The following DPF3 variants were observed in gnomAD, a reference collection of about 807,000 sequenced individuals.
The protein encoded by DPF3 is zinc finger protein DPF3.
In DPF3, 18 loss-of-function variants were observed where a neutral mutation model predicts 56.8. The ratio of observed to expected loss-of-function variants is 0.32; its 90% CI spans 0.22 to 0.47. The LOEUF (loss-of-function observed/expected upper bound fraction) is 0.47, where lower values mean the gene tolerates loss of function less well. Ranked by LOEUF, DPF3 falls within the 20% of genes least tolerant of loss-of-function variation. The pLI is 1.00. For synonymous variants in DPF3, 188 were observed against 180.2 expected, an observed-to-expected ratio of 1.04 and a Z score of -0.35; for missense variants, 403 against 488.8, an observed-to-expected ratio of 0.82 and a Z score of 1.65.
intron 8 of DPF3, among the ~76,000 whole-genome samples, chr14:72,673,266 T>G (rs1886769314): frequency 6.6e-6 from 1 of 152,206 alleles, no homozygotes; most frequent in Admixed American, 6.5e-5. Context: ...CTCTGGGGAC[T>G]GGGAGTGAAA....
rs1054325145 is a variant in DPF3, at chr14:72,729,091, T to G, written c.429+2716A>C. Among the ~76,000 whole-genome samples the G allele has an allele frequency of 4.6e-5, 7 of 151,686 alleles. No homozygotes were observed. The South Asian group carries it at 1.5e-3, about 32-fold the overall frequency. ...GGTGAATCCGCGTCTCTACTAAAAATACAAAAATCAGCCAGAGGTGGTGGT... is the reference window on the plus strand; with the variant it reads ...GGTGAATCCGCGTCTCTACTAAAAAGACAAAAATCAGCCAGAGGTGGTGGT... On this transcript the variant is annotated intron_variant, in intron 4 of 10. Transcript: ENST00000556509.
chr14:72,818,377 G>C (rs1883380887), intron 1 of DPF3, among the ~76,000 whole-genome samples: 1 of 152,152 alleles, frequency 6.6e-6, no homozygotes, highest in East Asian at 1.9e-4. Context: ...AAAAATTTCT[G>C]CTCTTCAAAA....
intron 1 of DPF3, among the ~76,000 whole-genome samples, chr14:72,776,002 A>T (rs1891730191): frequency 6.6e-6 from 1 of 151,742 alleles, no homozygotes; most frequent in Non-Finnish European, 1.5e-5. Flanking sequence ...AAAAAAAAAA[A>T]TCCCACAATG....
intron 2 of DPF3, among the ~76,000 whole-genome samples, 154 bp downstream of exon 2, chr14:72,771,579 A>C (rs1445802074): frequency 6.6e-6 from 1 of 151,216 alleles, no homozygotes; most frequent in African/African-American, 2.4e-5. Flanking sequence ...CCATAAAAGT[A>C]GCTGAGCTTC....
chr14:72,780,005 T>C (rs1295218572), intron 1 of DPF3, among the ~76,000 whole-genome samples: 1 of 152,200 alleles, frequency 6.6e-6, no homozygotes, highest in African/African-American at 2.4e-5. Context: ...ATCTGGCTTG[T>C]TTACTGCTCT....
At position 72,612,492 on chromosome 14, in the gene DPF3, G is replaced by A. The variant is rs927395308; in HGVS notation, c.*6805C>T. 1 of 518,660 alleles carries A rather than the reference G, an allele frequency of 1.9e-6. No homozygotes were observed. Among genetic ancestry groups the A allele is most frequent in the African/African-American group, 1.9e-5 (1 of 51,820 alleles). The allele number at this position is 518,660 out of a possible 1,614,324, so 32.1% of individuals were successfully genotyped here. A position where few individuals can be genotyped will look rare whatever the true frequency, so the allele number is the denominator to read the frequency against. On this transcript the variant is annotated 3_prime_UTR_variant, in exon 11 of 11. Coordinates refer to ENST00000556509, the MANE Select transcript of DPF3 (RefSeq NM_001280542.3). ...ACTACATGTTGAAAATGTGCACGGG[G>A]TATATTTTCTTTTTCCTATACGCCA... is the stretch of plus-strand genomic sequence containing the variant.
chr14:72,632,068 G>A (rs1354453765), intron 8 of DPF3, among the ~76,000 whole-genome samples: 2 of 152,240 alleles, frequency 1.3e-5, no homozygotes, highest in African/African-American at 2.4e-5. Context: ...AAAGGGGTAA[G>A]AGGTAGCTGC....
At position 72,723,611 on chromosome 14, in the gene DPF3, G is replaced by A. The variant is rs374717111; in HGVS notation, c.525+22C>T. 3.2e-5 allele frequency: 50 copies of A among 1,546,022 alleles called. No individual in the cohort carries two copies. In the African/African-American group the frequency reaches 3.4e-4, roughly 11 times the overall value. ...CCCAGCCTCCCTCATCTCTTTCCTC[G>A]CTCATGTCATCCCCAACTTACCCGT... On this transcript the variant is annotated intron_variant, in intron 5 of 10. Transcript: ENST00000556509.
intron 1 of DPF3, among the ~76,000 whole-genome samples, chr14:72,807,967 AAAC>A (rs377539111): frequency 2.4e-4 from 36 of 152,096 alleles, no homozygotes; most frequent in Non-Finnish European, 4.1e-4. Flanking sequence ...CCTGTCTCTA[AAAC>A]AACAACAACA....
chr14:72,684,868 T>G (rs551952960), intron 7 of DPF3, among the ~76,000 whole-genome samples: 1 of 152,168 alleles, frequency 6.6e-6, no homozygotes, highest in Non-Finnish European at 1.5e-5. Context: ...AGTGGGGTCA[T>G]GAGGGTGGGG....
At chr14:72,816,269 T>A (rs1424615401) in intron 1 of DPF3, among the ~76,000 whole-genome samples, 1 of 152,134 alleles carries the variant, frequency 6.6e-6, no homozygotes, top group African/African-American at 2.4e-5. Flanking sequence ...ACCAACAGAT[T>A]CCCAGCTCCA....
chr14:72,753,928 C>A (rs112401778), intron 2 of DPF3, among the ~76,000 whole-genome samples: 8,102 of 152,030 alleles, frequency 0.053, 309 homozygotes, highest in South Asian at 0.15. Context: ...CCCATGAGAA[C>A]ATAAACCCAC....
At position 72,845,122 on chromosome 14, in the gene DPF3, G is replaced by T. The variant is rs557173841; in HGVS notation, c.32+48935C>A. Among the ~76,000 whole-genome samples, 4 of 152,282 alleles carry T rather than the reference G, an allele frequency of 2.6e-5. No individual in the cohort carries two copies. The East Asian group carries it at 5.8e-4, about 22-fold the overall frequency. ...CTTGTCTCTAAAAAGAAGCCTCCAG[G>T]AATGGGAAACCCAAGTTAAATCAGC... On this transcript the variant is annotated intron_variant, in intron 1 of 10. Transcript: ENST00000556509.
intron 7 of DPF3, among the ~76,000 whole-genome samples, chr14:72,690,124 C>T (rs758031781): frequency 2.0e-5 from 3 of 152,134 alleles, no homozygotes; most frequent in Non-Finnish European, 4.4e-5. Flanking sequence ...CACTGACAAG[C>T]CCACAGAGGT....
rs1015812341 is a variant in DPF3 at position 72,609,111 on chromosome 14, G to A, written c.*10186C>T. On this transcript the variant is annotated 3_prime_UTR_variant, in exon 11 of 11. Coordinates refer to ENST00000556509, the MANE Select transcript of DPF3 (RefSeq NM_001280542.3). The stretch of plus-strand genomic sequence containing the variant: ...ATTCACTACGTGGGTAGTCAACATT[G>A]CTAACCAATCACAGAACAAGATACT... 3.9e-5 allele frequency among the ~76,000 whole-genome samples: 6 copies of A among 152,206 alleles called. No homozygotes were observed. Among genetic ancestry groups the A allele is most frequent in the African/African-American group, 1.4e-4 (6 of 41,444 alleles).
At chr14:72,820,498 T>C (rs2140033271) in intron 1 of DPF3, among the ~76,000 whole-genome samples, 1 of 152,318 alleles carries the variant, frequency 6.6e-6, no homozygotes, top group Non-Finnish European at 1.5e-5. Context: ...ACTAGTATTG[T>C]AGGACAAGAT....
rs190733443 is a variant in DPF3, at chr14:72,802,547, C to T, written c.33-30654G>A. Among the ~76,000 whole-genome samples, 5 of 152,254 alleles carry T rather than the reference C, an allele frequency of 3.3e-5. No homozygotes were observed. In the East Asian group the frequency reaches 9.7e-4, roughly 29 times the overall value. The stretch of plus-strand genomic sequence containing the variant: ...GAGCAAAGCTTCTGAGCCCCCAGCC[C>T]CTCCTGTGAGCACATACCTCAAGGC... On this transcript the variant is annotated intron_variant, in intron 1 of 10. Transcript: ENST00000556509.
intron 8 of DPF3, among the ~76,000 whole-genome samples, chr14:72,672,397 C>T (rs190100257): frequency 1.3e-5 from 2 of 152,294 alleles, no homozygotes; most frequent in African/African-American, 4.8e-5. Flanking sequence ...TCTGGAAGGA[C>T]CGTAGGGAGG....
At chr14:72,890,931 A>T (rs1328365054) in intron 1 of DPF3, among the ~76,000 whole-genome samples, 5 of 152,158 alleles carry the variant, frequency 3.3e-5, no homozygotes, top group Non-Finnish European at 5.9e-5. Flanking sequence ...TCAGCTTCAG[A>T]GAGGAAGGGG....
Sources: gnomAD v4.1 joint callset for allele counts (sites outside exome capture counted in the v4.1 genomes callset) on GRCh38, gnomAD v4.1.1 for gene constraint, MANE v1.5 for transcripts, NCBI Gene and HGNC (gene_info 2026-07-23, HGNC 2026-07-21) for gene names.